ZNF692: variants seen among roughly 807,000 people sequenced by gnomAD.
ZNF692 encodes AICAR responsive element binding protein.
In ZNF692, 41 loss-of-function variants were observed where a neutral mutation model predicts 49.0. The ratio of observed to expected loss-of-function variants is 0.84; its 90% CI spans 0.65 to 1.08. The LOEUF (loss-of-function observed/expected upper bound fraction) is 1.08, where lower values mean the gene tolerates loss of function less well. Among genes scored for constraint, ZNF692 ranks in the 50% least tolerant of loss-of-function variants. The probability of loss-of-function intolerance (pLI) is 0.00; values close to 1 mark genes in which losing one functional copy is unlikely to be tolerated. For missense variants in ZNF692, 662 were observed against 662.2 expected, an observed-to-expected ratio of 1.00 and a Z score of 0.00; for synonymous variants, 288 against 251.5, an observed-to-expected ratio of 1.15 and a Z score of -1.37.
intron 9 of ZNF692, 171 bp from the exon 10 acceptor site, chr1:248,854,222 C>T (rs1040021107): frequency 5.1e-6 from 3 of 590,998 alleles, no homozygotes; most frequent in African/African-American, 3.7e-5. Context: ...GCTCAGTCCT[C>T]ACCTACACCA....
intron 10 of ZNF692, among the ~76,000 whole-genome samples, chr1:248,851,396 G>A (rs1176804492): frequency 6.6e-6 from 1 of 152,058 alleles, no homozygotes; most frequent in East Asian, 1.9e-4. Context: ...GTTGCCCATG[G>A]TCACTGTGTG....
In ZNF692 at chr1:248,858,711, C is replaced by T. The variant is rs984438752; in HGVS notation, c.-13+207G>A. 17 of 715,186 alleles carry T rather than the reference C, an allele frequency of 2.4e-5. No homozygotes were observed. The highest frequency in any genetic ancestry group is 4.5e-5 in the Admixed American group (2 of 44,628). 44.3% of individuals were successfully genotyped at this position (715,186 alleles called of 1,614,324 possible). A position where few individuals can be genotyped will look rare whatever the true frequency, so the allele number is the denominator to read the frequency against. On this transcript the variant is annotated intron_variant, in intron 1 of 11. Transcript: ENST00000306601. The surrounding 1 kb of genome is among the most constrained non-coding windows in gnomAD (Gnocchi z 4.3). ...ACTGGTTTCTAGGGGAAGGAAAGGT[C>T]GTGTCCTGGCGTGCAGCTGGGGGCG... is the stretch of plus-strand genomic sequence containing the variant.
rs1296657257 is a variant in ZNF692 at position 248,854,068 on chromosome 1, G to A, written c.1039-17C>T. 2.5e-6 allele frequency: 4 copies of A among 1,601,302 alleles called. No individual in the cohort carries two copies. Among genetic ancestry groups the A allele is most frequent in the African/African-American group, 1.3e-5 (1 of 74,658 alleles). ...TTTGTGGTGCTAGAGAAGGAAGTGG[G>A]TGGTAGGGAGAGAAGAGGCAAAAGG... On this transcript the variant is annotated splice_polypyrimidine_tract_variant and intron_variant, in intron 9 of 11. Transcript: ENST00000306601.
rs758599570 is a variant in ZNF692, at chr1:248,857,278, C to T, written c.431G>A (p.Arg144Gln). ...CGTGGCCTCGGAACACCAACTTCTCCGAGTAGTATGTGGAAGGGAGGCTGG... is the reference window on the plus strand; with the variant it reads ...CGTGGCCTCGGAACACCAACTTCTCTGAGTAGTATGTGGAAGGGAGGCTGG... ...PKPASLPHTT[R>Q]RSWCSEATSG... Residue 144 changes from arginine (R) to glutamine (Q), a missense_variant, in exon 4 of 12, where the codon CGG becomes CAG. By Grantham distance (43) the Arg-to-Gln change is conservative. Coordinates refer to ENST00000306601, the MANE Select transcript of ZNF692 (RefSeq NM_017865.4). 15 of 1,614,014 alleles carry T rather than the reference C, an allele frequency of 9.3e-6. No homozygotes were observed. Among genetic ancestry groups the T allele is most frequent in the South Asian group, 5.5e-5 (5 of 91,092 alleles).
rs1660509654 is a variant in ZNF692 at position 248,858,452 on chromosome 1, G to T, written c.-12-131C>A. On this transcript the variant is annotated intron_variant, in intron 1 of 11. Transcript: ENST00000306601. The surrounding 1 kb of genome is among the most constrained non-coding windows in gnomAD (Gnocchi z 4.3). ...AAGACTAAACTATTTCAATAGCAGT[G>T]GCAGGTGTGGAGCCAAACCCCGTCC... The T allele has an allele frequency of 5.8e-6, 9 of 1,551,298 alleles. No homozygotes were observed. The Admixed American group carries it at 1.8e-4, about 30-fold the overall frequency.
intron 9 of ZNF692, chr1:248,854,523 T>C (rs933854345): frequency 1.0e-5 from 1 of 99,716 alleles, no homozygotes; most frequent in Non-Finnish European, 1.8e-5. Flanking sequence ...ACCATGGGTA[T>C]ATATATGATT....
At position 248,850,172 on chromosome 1, in the gene ZNF692, TG is replaced by T; in HGVS notation, c.*37del. The T allele has an allele frequency of 6.6e-7, 1 of 1,509,170 alleles. No homozygotes were observed. Among genetic ancestry groups the T allele is most frequent in the Non-Finnish European group, 8.9e-7 (1 of 1,129,704 alleles). 93.5% of individuals were successfully genotyped at this position (1,509,170 alleles called of 1,614,324 possible). A position where few individuals can be genotyped will look rare whatever the true frequency, so the allele number is the denominator to read the frequency against. On this transcript the variant is annotated 3_prime_UTR_variant, in exon 12 of 12. Transcript: ENST00000306601. ...CTCCTTGTTGCTCCTTTTCAGTCCC[TG>T]GAGTCTGGCTTCCCAAAGCCAAAGC... is the stretch of plus-strand genomic sequence containing the variant.
At position 248,850,530 on chromosome 1, in the gene ZNF692, C is replaced by A; in HGVS notation, c.1254-14G>T. ...CATATCTCACACCTGGAGTCAGGGA[C>A]AGAAGAGGGAAGGAACAAGGCCTCA... On this transcript the variant is annotated splice_polypyrimidine_tract_variant and intron_variant, in intron 11 of 11. Transcript: ENST00000306601. 1 of 1,597,908 alleles carries A rather than the reference C, an allele frequency of 6.3e-7. No individual in the cohort carries two copies. The highest frequency in any genetic ancestry group is 1.1e-5 in the South Asian group (1 of 89,246).
chr1:248,851,690 A>G (rs1331847123), intron 10 of ZNF692, among the ~76,000 whole-genome samples: 1 of 151,584 alleles, frequency 6.6e-6, no homozygotes, highest in Non-Finnish European at 1.5e-5. Context: ...CCCTCACCTC[A>G]CTGACCTCAT....
chr1:248,853,437 G>T (rs1340466104), intron 10 of ZNF692, among the ~76,000 whole-genome samples: 1 of 152,170 alleles, frequency 6.6e-6, no homozygotes, highest in Non-Finnish European at 1.5e-5. Context: ...TCAACTATGT[G>T]ACTTCTCTTC....
In ZNF692 at chr1:248,858,383, C is replaced by T. The variant is rs1660502159; in HGVS notation, c.-12-62G>A. Reference sequence around the variant, plus strand: ...ATCTCGGGGGTCGGGGACCCGGCTCCACCTGCCGTTAGGGCCTCAGTTTCC... The same window carrying T: ...ATCTCGGGGGTCGGGGACCCGGCTCTACCTGCCGTTAGGGCCTCAGTTTCC... On this transcript the variant is annotated intron_variant, in intron 1 of 11. Coordinates refer to ENST00000306601, the MANE Select transcript of ZNF692 (RefSeq NM_017865.4). This position sits in a 1 kb window ranked among gnomAD's most constrained non-coding sequence, Gnocchi z 4.3. 1 of 1,532,534 alleles carries T rather than the reference C, an allele frequency of 6.5e-7. No homozygotes were observed. Among genetic ancestry groups the T allele is most frequent in the East Asian group, 2.5e-5 (1 of 40,408 alleles). The allele number at this position is 1,532,534 out of a possible 1,614,324, so 94.9% of individuals were successfully genotyped here. A position where few individuals can be genotyped will look rare whatever the true frequency, so the allele number is the denominator to read the frequency against.
At position 248,857,420 on chromosome 1, in the gene ZNF692, C is replaced by G; in HGVS notation, c.289G>C (p.Val97Leu). ...CCGCCAGGCCCCCGAAGCCCGGGCACCAGGCTGCACTCTCGGCTGTGGGCA... is the reference window on the plus strand; with the variant it reads ...CCGCCAGGCCCCCGAAGCCCGGGCAGCAGGCTGCACTCTCGGCTGTGGGCA... ...SHAHSRECSL[V>L]PGLRGPGGQD... The change falls in exon 4 of 12, where the codon GTG becomes CTG. Residue 97 changes from valine to leucine, a missense_variant. Coordinates refer to ENST00000306601, the MANE Select transcript of ZNF692 (RefSeq NM_017865.4). 1 of 1,614,144 alleles carries G rather than the reference C, an allele frequency of 6.2e-7. No homozygotes were observed. Among genetic ancestry groups the G allele is most frequent in the Non-Finnish European group, 8.5e-7 (1 of 1,180,034 alleles).
At chr1:248,855,199 G>C (rs1660081752) in intron 9 of ZNF692, among the ~76,000 whole-genome samples, 181 bp downstream of exon 9, 1 of 152,156 alleles carries the variant, frequency 6.6e-6, no homozygotes, top group Admixed American at 6.5e-5. Context: ...TGCAAAGTGG[G>C]AATAATAGCA....
At position 248,850,431 on chromosome 1, in the gene ZNF692, G is replaced by A. The variant is rs764536582; in HGVS notation, c.1339C>T (p.Arg447Cys). 1.4e-5 allele frequency: 23 copies of A among 1,613,924 alleles called. No individual in the cohort carries two copies. The highest frequency in any genetic ancestry group is 3.3e-5 in the Admixed American group (2 of 59,998). The change falls in exon 12 of 12, where the codon CGC (arginine) becomes TGC (cysteine). Residue 447 changes from arginine to cysteine, a missense_variant. Arg to Cys is a radical substitution (Grantham distance 180). Coordinates refer to ENST00000306601, the MANE Select transcript of ZNF692 (RefSeq NM_017865.4). ...RKHAETVAAL[R>C]FPCEFCGKRF... ...TTGCCGCAGAATTCACAGGGGAAGC[G>A]CAAGGCAGCCACCGTCTCTGCATGC... is the stretch of plus-strand genomic sequence containing the variant.
intron 9 of ZNF692, 80 bp from the exon 10 acceptor site, chr1:248,854,131 C>A: frequency 3.8e-6 from 4 of 1,056,434 alleles, no homozygotes; most frequent in Non-Finnish European, 4.4e-6. Flanking sequence ...TGAGCTGACC[C>A]GGCAGGCATG....
Position 248,855,602 on chromosome 1 carries a change from C to T in ZNF692, c.915G>A (p.Pro305=), listed in dbSNP as rs763514906. The stretch of plus-strand genomic sequence containing the variant: ...TTTGTGCAGTGTCCTCATCCCAGGC[C>T]GGGGTTGGAGCAGACTGGGCCTGAC... ...TGSQAQSAPT[P]AWDEDTAQIG... The change falls in exon 8 of 12, where the codon CCG becomes CCA. Residue 305 remains proline (P), a synonymous_variant. Coordinates refer to ENST00000306601, the MANE Select transcript of ZNF692 (RefSeq NM_017865.4). 3.9e-5 allele frequency: 63 copies of T among 1,614,194 alleles called. No individual in the cohort carries two copies. The highest frequency in any genetic ancestry group is 4.7e-5 in the Non-Finnish European group (55 of 1,180,030).
chr1:248,855,980 C>T, intron 6 of ZNF692, 34 bp from the exon 7 acceptor site: 1 of 1,602,084 alleles, frequency 6.2e-7, no homozygotes, highest in Non-Finnish European at 8.5e-7. Flanking sequence ...ATGGCATTAA[C>T]TTTCTGGGCA....
At position 248,857,339 on chromosome 1, in the gene ZNF692, G is replaced by A; in HGVS notation, c.370C>T (p.Pro124Ser). The A allele has an allele frequency of 6.2e-7, 1 of 1,614,162 alleles. No homozygotes were observed. The highest frequency in any genetic ancestry group is 8.5e-7 in the Non-Finnish European group (1 of 1,180,020). ...CSAGHTFSWG[P>S]SLSPTPSEAP... ...TCTGAAGGTGTAGGGCTCAAAGAGG[G>A]TCCCCAGGAGAAGGTATGGCCTGCT... The change falls in exon 4 of 12, where the codon CCC (proline) becomes TCC (serine). Residue 124 changes from proline to serine, a missense_variant. Physicochemically the swap from Pro to Ser is moderately conservative, Grantham distance 74. Transcript: ENST00000306601.
At chr1:248,856,060 C>A (rs1227481223) in intron 6 of ZNF692, 114 bp from the exon 7 acceptor site, 16 of 1,259,990 alleles carry the variant, frequency 1.3e-5, no homozygotes, top group African/African-American at 3.0e-5. Context: ...ACCCTACCCC[C>A]ACCCTAGGCT....
Sources: allele counts gnomAD v4.1 joint callset (sites outside exome capture counted in the v4.1 genomes callset), GRCh38; gene constraint gnomAD v4.1.1; non-coding constraint Gnocchi (gnomAD v3.1); transcripts MANE v1.5; gene names NCBI Gene and HGNC (gene_info 2026-07-23, HGNC 2026-07-21).